RGS3: variants seen among roughly 807,000 people sequenced by gnomAD.
The protein encoded by RGS3 is regulator of G protein signaling 3, also known as regulator of G-protein signalling 3.
A neutral mutation model predicts 132.6 loss-of-function variants in RGS3; 80 were observed. That is an observed-to-expected ratio of 0.60 (90% confidence interval 0.50 to 0.73). The LOEUF (loss-of-function observed/expected upper bound fraction) is 0.73, where lower values mean the gene tolerates loss of function less well. RGS3 is among the 30% of genes least tolerant of loss of function. RGS3 has a pLI of 0.00. For synonymous variants in RGS3, 598 were observed against 620.6 expected (o/e 0.96, Z 0.54); for missense variants, 1,382 against 1,530.8 (o/e 0.90, Z 1.62).
chr9:113,512,968 G>A lies in RGS3; in HGVS notation c.1478-1490G>A, dbSNP rs112660646. ...TCCCAGCACTTTGGGAGGCTGAGGC[G>A]GGCGGATCACCTGAGGTTGGGAGTT... On this transcript the variant is annotated intron_variant, in intron 14 of 24. Transcript: ENST00000350696. Among the ~76,000 whole-genome samples, 5 of 152,252 alleles carry A rather than the reference G, an allele frequency of 3.3e-5. No homozygotes were observed. The South Asian group carries it at 1.0e-3, about 32-fold the overall frequency.
At chr9:113,555,211 A>G (rs1439761754) in intron 19 of RGS3, among the ~76,000 whole-genome samples, 1 of 152,220 alleles carries the variant, frequency 6.6e-6, no homozygotes, top group Non-Finnish European at 1.5e-5. Context: ...GTTTAGTAGT[A>G]AACATCCCAA....
At chr9:113,502,127 C>T (rs1830927637) in intron 10 of RGS3, among the ~76,000 whole-genome samples, 1 of 152,156 alleles carries the variant, frequency 6.6e-6, no homozygotes, top group Non-Finnish European at 1.5e-5. Flanking sequence ...CTCAGGATTC[C>T]TTTGGCTTTG....
At chr9:113,512,300 A>G (rs12342508) in intron 14 of RGS3, among the ~76,000 whole-genome samples, 18,065 of 152,154 alleles carry the variant, frequency 0.12, 1,278 homozygotes, top group African/African-American at 0.19. Context: ...TGGGACTGAT[A>G]TGTAGGGCCA....
At chr9:113,573,155 C>G (rs1834364121) in intron 19 of RGS3, among the ~76,000 whole-genome samples, 2 of 152,178 alleles carry the variant, frequency 1.3e-5, no homozygotes, top group Admixed American at 6.5e-5. Flanking sequence ...GGTTAAGCAG[C>G]CTGTGCAGGT....
At chr9:113,553,600 G>A (rs1325779822) in intron 19 of RGS3, among the ~76,000 whole-genome samples, 1 of 149,982 alleles carries the variant, frequency 6.7e-6, no homozygotes, top group Non-Finnish European at 1.5e-5. Context: ...CCAGCACTTT[G>A]GGAGGCCGAG....
chr9:113,467,085 A>G (rs1829669010), intron 3 of RGS3, among the ~76,000 whole-genome samples: 2 of 152,118 alleles, frequency 1.3e-5, no homozygotes, highest in African/African-American at 4.8e-5. Flanking sequence ...TATTCATTGT[A>G]TGGCTATACC....
intron 19 of RGS3, among the ~76,000 whole-genome samples, chr9:113,559,332 G>A (rs1252243700): frequency 6.6e-6 from 1 of 152,226 alleles, no homozygotes; most frequent in African/African-American, 2.4e-5. Flanking sequence ...CCGGAGCCAG[G>A]AAGGGAGACA....
chr9:113,446,987 T>C (rs1298307153), intron 1 of RGS3, among the ~76,000 whole-genome samples: 1 of 151,600 alleles, frequency 6.6e-6, no homozygotes, highest in Non-Finnish European at 1.5e-5. Context: ...AGGGGCCGGA[T>C]GCGGTGGCTC....
At chr9:113,535,455 G>A (rs1832641192) in intron 18 of RGS3, among the ~76,000 whole-genome samples, 1 of 152,248 alleles carries the variant, frequency 6.6e-6, no homozygotes, top group Non-Finnish European at 1.5e-5. Context: ...ATAGGCATAA[G>A]CCACTGCGCC....
intron 15 of RGS3, among the ~76,000 whole-genome samples, chr9:113,516,401 A>T (rs1831665796): frequency 6.7e-6 from 1 of 149,658 alleles, no homozygotes; most frequent in Non-Finnish European, 1.5e-5. Flanking sequence ...CTTTTTGCCC[A>T]GGCCGGAGTG....
intron 19 of RGS3, among the ~76,000 whole-genome samples, chr9:113,549,627 T>C (rs1264035798): frequency 6.6e-6 from 1 of 152,224 alleles, no homozygotes; most frequent in Non-Finnish European, 1.5e-5. Flanking sequence ...ATGTGTCCTG[T>C]CAGGCATTCG....
intron 18 of RGS3, among the ~76,000 whole-genome samples, chr9:113,533,635 T>C (rs1161378516): frequency 1.3e-5 from 2 of 152,138 alleles, no homozygotes; most frequent in East Asian, 3.9e-4. Context: ...CCCAGGGAGA[T>C]TAAGGAATCT....
At chr9:113,503,890 C>T (rs892311250) in intron 10 of RGS3, among the ~76,000 whole-genome samples, 15 of 152,182 alleles carry the variant, frequency 9.9e-5, no homozygotes, top group African/African-American at 2.4e-4. Context: ...CACTCGTACC[C>T]GCGTTTGTTT....
At chr9:113,529,379 C>A in intron 18 of RGS3, 115 bp downstream of exon 16, 1 of 939,744 alleles carries the variant, frequency 1.1e-6, no homozygotes, top group South Asian at 1.3e-5. Flanking sequence ...CCCACTCATG[C>A]CGAAGTCCTG....
rs146360110 is a variant in RGS3 at position 113,574,588 on chromosome 9, C to G, written c.2038-8862C>G. On this transcript the variant is annotated intron_variant, in intron 19 of 24. Transcript: ENST00000350696. ...CCAGACATGATCCTGATGAGCCAAA[C>G]AGGACCTGCCCGGGGCCATGACAGC... is the stretch of plus-strand genomic sequence containing the variant. Among the ~76,000 whole-genome samples the G allele has an allele frequency of 2.3e-3, 356 of 152,330 alleles. 2 individuals are homozygous for G. The highest frequency in any genetic ancestry group is 6.8e-3 in the Middle Eastern group (2 of 294).
chr9:113,548,934 C>T (rs1833221782), intron 19 of RGS3, among the ~76,000 whole-genome samples: 1 of 152,244 alleles, frequency 6.6e-6, no homozygotes, highest in African/African-American at 2.4e-5. Flanking sequence ...GCTGGCCCAC[C>T]CTGAGCCCTG....
rs747826041 is a variant in RGS3, at chr9:113,463,852, C to T, written c.415+1651C>T. The T allele has an allele frequency of 9.9e-6, 16 of 1,613,058 alleles. No homozygotes were observed. Among genetic ancestry groups the T allele is most frequent in the Non-Finnish European group, 1.3e-5 (15 of 1,179,842 alleles). On this transcript the variant is annotated intron_variant, in intron 3 of 24. Transcript: ENST00000350696. The surrounding 1 kb of genome is among the most constrained non-coding windows in gnomAD (Gnocchi z 4.6). ...TCCCTCGGGAGCCGGCGTGCCCACC[C>T]GGACTTGTCCTTCTACCTCACCACC...
chr9:113,498,921 GAAA>G (rs755573432), intron 10 of RGS3, among the ~76,000 whole-genome samples: 5 of 47,370 alleles, frequency 1.1e-4, no homozygotes, highest in African/African-American at 3.2e-4. Flanking sequence ...TGTCTCAATT[GAAA>G]AAAAAAAAAA....
chr9:113,550,374 T>G (rs555054137), intron 19 of RGS3, among the ~76,000 whole-genome samples: 1 of 152,312 alleles, frequency 6.6e-6, no homozygotes, highest in Admixed American at 6.5e-5. Context: ...AAAAAGGAAC[T>G]AAATAAACAA....
Sources: gnomAD v4.1 joint callset for allele counts (sites outside exome capture counted in the v4.1 genomes callset) on GRCh38, gnomAD v4.1.1 for gene constraint, Gnocchi (gnomAD v3.1) non-coding constraint, MANE v1.5 for transcripts, NCBI Gene and HGNC (gene_info 2026-07-23, HGNC 2026-07-21) for gene names.